Variants in SLC5A4 observed in about 807,000 individuals in gnomAD.
SLC5A4 encodes the protein solute carrier family 5 member 4.
A neutral mutation model predicts 70.3 loss-of-function variants in SLC5A4; 55 were observed. The observed-to-expected ratio is 0.78, with a 90% confidence interval of 0.63 to 0.98. SLC5A4 has a LOEUF of 0.98. SLC5A4 is among the 50% of genes least tolerant of loss of function. The pLI is 0.00. For missense variants in SLC5A4, 735 were observed against 839.2 expected (o/e 0.88, Z 1.53); for synonymous variants, 268 against 305.7 (o/e 0.88, Z 1.29).
the SLC5A4 span, among the ~76,000 whole-genome samples, chr22:32,347,429 A>G: frequency 6.6e-6 from 1 of 152,176 alleles, no homozygotes; most frequent in Non-Finnish European, 1.5e-5. Flanking sequence ...GGCACTATTA[A>G]CAATAGCAAA....
upstream of SLC5A4, among the ~76,000 whole-genome samples, chr22:32,256,301 C>A (rs1390957934): frequency 6.6e-6 from 1 of 151,996 alleles, no homozygotes; most frequent in East Asian, 1.9e-4. Context: ...GAGCAAGATC[C>A]TGTCTCAAAA....
the SLC5A4 span, among the ~76,000 whole-genome samples, chr22:32,333,828 A>G: frequency 6.6e-6 from 1 of 150,464 alleles, no homozygotes; most frequent in South Asian, 2.1e-4. Context: ...CACACACACC[A>G]CATAGACCCT....
chr22:32,253,106 G>T (rs1381764992), intron 2 of SLC5A4, among the ~76,000 whole-genome samples: 1 of 152,188 alleles, frequency 6.6e-6, no homozygotes, highest in African/African-American at 2.4e-5. Flanking sequence ...ACTTCCAGTT[G>T]TTCTGCTTCA....
At chr22:32,305,466 G>A in the SLC5A4 span, among the ~76,000 whole-genome samples, 1 of 148,944 alleles carries the variant, frequency 6.7e-6, no homozygotes, top group Non-Finnish European at 1.5e-5. Flanking sequence ...AGACCTCTCT[G>A]GAGAAAAACA....
the SLC5A4 span, among the ~76,000 whole-genome samples, chr22:32,292,281 TATATATA>T: frequency 9.9e-6 from 1 of 101,520 alleles, no homozygotes; most frequent in Non-Finnish European, 2.0e-5. Context: ...TACTAGATAT[TATATATA>T]ATATATACTA....
chr22:32,240,389 T>G lies in SLC5A4; in HGVS notation c.478-1299A>C, dbSNP rs760355947. On this transcript the variant is annotated intron_variant, in intron 5 of 14. Transcript: ENST00000266086. ...TCTACACTGTTTGGCTCAGCATAAT[T>G]AACATGAATAATTCAGGACAATTTC... is the stretch of plus-strand genomic sequence containing the variant. Among the ~76,000 whole-genome samples the G allele has an allele frequency of 2.6e-5, 4 of 152,136 alleles. No individual in the cohort carries two copies. The East Asian group carries it at 7.7e-4, about 29-fold the overall frequency.
chr22:32,272,280 A>G, the SLC5A4 span: 1 of 803,836 alleles, frequency 1.2e-6, no homozygotes, highest in Non-Finnish European at 2.2e-6. Context: ...GAACAAGTTC[A>G]GAGTCCTTTA....
chr22:32,338,693 G>A, the SLC5A4 span, among the ~76,000 whole-genome samples: 4 of 152,134 alleles, frequency 2.6e-5, no homozygotes, highest in Non-Finnish European at 5.9e-5. Context: ...GTATAGAAAT[G>A]GGGGCACCCC....
chr22:32,300,397 A>G, the SLC5A4 span, among the ~76,000 whole-genome samples: 1 of 152,128 alleles, frequency 6.6e-6, no homozygotes, highest in Admixed American at 6.5e-5. Flanking sequence ...AAAGCGCAGT[A>G]TTCGGGTGGG....
the SLC5A4 span, among the ~76,000 whole-genome samples, chr22:32,336,435 T>C: frequency 1.3e-5 from 2 of 152,194 alleles, no homozygotes; most frequent in African/African-American, 4.8e-5. Context: ...GATTCCAAAC[T>C]AAAGATTCCA....
chr22:32,269,568 C>T, the SLC5A4 span: 20 of 627,316 alleles, frequency 3.2e-5, no homozygotes, highest in Middle Eastern at 2.7e-4. The surrounding 1 kb of genome is among the most constrained non-coding windows in gnomAD (Gnocchi z 4.1). Context: ...AGGTGCACCC[C>T]GTCATCTGAT....
chr22:32,259,542 GA>G (rs1296755134), upstream of SLC5A4, among the ~76,000 whole-genome samples: 2 of 152,086 alleles, frequency 1.3e-5, no homozygotes, highest in South Asian at 4.2e-4. Context: ...TGCATTCTGA[GA>G]AAAAATTCCC....
intron 14 of SLC5A4, 47 bp from the exon 15 acceptor site, chr22:32,218,772 G>A: frequency 1.4e-6 from 2 of 1,432,582 alleles, no homozygotes; most frequent in Non-Finnish European, 2.0e-6. Context: ...AGATCACAAA[G>A]GAACTAGAAA....
chr22:32,285,721 T>A, the SLC5A4 span, among the ~76,000 whole-genome samples: 2 of 147,020 alleles, frequency 1.4e-5, no homozygotes, highest in African/African-American at 5.3e-5. Flanking sequence ...ATTTTTATTT[T>A]ATTTTATTTT....
the SLC5A4 span, among the ~76,000 whole-genome samples, chr22:32,282,134 C>T: frequency 0.016 from 2,386 of 152,288 alleles, 57 homozygotes; most frequent in African/African-American, 0.054. Context: ...TGAGCCACGG[C>T]GCTCGGCCAC....
chr22:32,295,161 G>A, the SLC5A4 span, among the ~76,000 whole-genome samples: 183 of 89,480 alleles, frequency 2.0e-3, no homozygotes, highest in South Asian at 2.9e-3. Flanking sequence ...ATGATTTATA[G>A]TCCTTTGGGT....
chr22:32,292,225 C>A, the SLC5A4 span, among the ~76,000 whole-genome samples: 9 of 62,070 alleles, frequency 1.4e-4, no homozygotes, highest in South Asian at 4.7e-4. Flanking sequence ...ATATTATATT[C>A]TATATATTAT....
chr22:32,278,118 C>T, the SLC5A4 span, among the ~76,000 whole-genome samples: 23 of 152,298 alleles, frequency 1.5e-4, no homozygotes, highest in Admixed American at 3.3e-4. Context: ...TTAGGGTCTA[C>T]TGTGAAAAGA....
the SLC5A4 span, among the ~76,000 whole-genome samples, chr22:32,291,918 G>A: frequency 7.0e-6 from 1 of 142,394 alleles, no homozygotes; most frequent in Non-Finnish European, 1.5e-5. Context: ...TGTCACTCAG[G>A]CTGGAGTGCA....
Sources: allele counts gnomAD v4.1 joint callset (sites outside exome capture counted in the v4.1 genomes callset), GRCh38; gene constraint gnomAD v4.1.1; non-coding constraint Gnocchi (gnomAD v3.1); transcripts MANE v1.5; gene names NCBI Gene and HGNC (gene_info 2026-07-23, HGNC 2026-07-21).